ME1: variants seen among roughly 807,000 people sequenced by gnomAD.
The protein encoded by ME1 is NADP-dependent malic enzyme.
ME1 carries 74 observed loss-of-function variants against 66.4 expected under a neutral mutation model. That is an observed-to-expected ratio of 1.11 (90% CI 0.92 to 1.35). The LOEUF is 1.35. Ranked by LOEUF, ME1 falls within the 40% of genes most tolerant of loss-of-function variation. The probability of loss-of-function intolerance (pLI) is 0.00; values close to 1 mark genes in which losing one functional copy is unlikely to be tolerated. For synonymous variants in ME1, 251 were observed against 235.6 expected (o/e 1.07, Z -0.60); for missense variants, 750 against 694.1 (o/e 1.08, Z -0.90).
At chr6:83,252,144 A>C (rs899775967) in intron 7 of ME1, among the ~76,000 whole-genome samples, 3 of 152,214 alleles carry the variant, frequency 2.0e-5, no homozygotes, top group African/African-American at 4.8e-5. Context: ...AGCTATCAGC[A>C]ATTCACTGAA....
chr6:83,368,693 G>A (rs1362445995), intron 3 of ME1, among the ~76,000 whole-genome samples: 2 of 152,010 alleles, frequency 1.3e-5, no homozygotes, highest in Non-Finnish European at 1.5e-5. Context: ...AATTTACTGA[G>A]TAGACCCTAT....
chr6:83,426,217 G>A (rs1157560988), intron 1 of ME1, among the ~76,000 whole-genome samples: 1 of 152,086 alleles, frequency 6.6e-6, no homozygotes, highest in African/African-American at 2.4e-5. Flanking sequence ...TCCCCTACCT[G>A]TCCAAAAGTT....
intron 3 of ME1, among the ~76,000 whole-genome samples, chr6:83,363,252 CACA>C (rs1388416605): frequency 1.3e-5 from 2 of 152,128 alleles, no homozygotes; most frequent in East Asian, 3.8e-4. Context: ...CACCAGGAGA[CACA>C]ACAACGATTC....
At chr6:83,268,861 G>C (rs1455569571) in intron 6 of ME1, among the ~76,000 whole-genome samples, 3 of 151,786 alleles carry the variant, frequency 2.0e-5, no homozygotes, top group Non-Finnish European at 2.9e-5. Flanking sequence ...CAAAGTGCGG[G>C]GGTTATAGGC....
At chr6:83,240,257 T>G (rs1790487420) in intron 7 of ME1, among the ~76,000 whole-genome samples, 2 of 152,054 alleles carry the variant, frequency 1.3e-5, no homozygotes, top group Admixed American at 1.3e-4. Context: ...ATGATGGTAT[T>G]GGTGCTCATA....
chr6:83,262,840 A>G (rs1766923200), intron 6 of ME1, among the ~76,000 whole-genome samples: 1 of 152,172 alleles, frequency 6.6e-6, no homozygotes, highest in African/African-American at 2.4e-5. Context: ...ATGTAGTAAG[A>G]TACCTTCTAT....
intron 4 of ME1, among the ~76,000 whole-genome samples, chr6:83,349,005 A>AAAAAAC (rs1562487149): frequency 6.7e-5 from 10 of 148,406 alleles, no homozygotes; most frequent in African/African-American, 2.5e-4. Context: ...AAAAAAACAA[A>AAAAAAC]AAACAAAAAA....
At chr6:83,231,813 C>A (rs956077472) in intron 9 of ME1, among the ~76,000 whole-genome samples, 1 of 152,000 alleles carries the variant, frequency 6.6e-6, no homozygotes, top group Non-Finnish European at 1.5e-5. Context: ...CCTCAGAAAT[C>A]CCAAATTCTA....
chr6:83,348,842 C>T (rs1291237478), intron 4 of ME1, among the ~76,000 whole-genome samples: 1 of 151,358 alleles, frequency 6.6e-6, no homozygotes, highest in African/African-American at 2.4e-5. Context: ...ACAAAAATTA[C>T]CTGGGCGTGG....
At chr6:83,407,346 CA>C (rs1324936559) in intron 2 of ME1, among the ~76,000 whole-genome samples, 3 of 152,134 alleles carry the variant, frequency 2.0e-5, no homozygotes, top group Non-Finnish European at 4.4e-5. Context: ...TATCTTTGTG[CA>C]AATACAGAAA....
chr6:83,215,597 TC>T (rs1456988370), intron 13 of ME1, among the ~76,000 whole-genome samples: 2 of 152,104 alleles, frequency 1.3e-5, no homozygotes, highest in Admixed American at 6.6e-5. Flanking sequence ...GTTAGAATGG[TC>T]TATAATCCAA....
At chr6:83,412,925 T>A (rs1770079590) in intron 1 of ME1, among the ~76,000 whole-genome samples, 1 of 152,192 alleles carries the variant, frequency 6.6e-6, no homozygotes, top group Non-Finnish European at 1.5e-5. Flanking sequence ...ACATTGCATA[T>A]TTGTCAAAAC....
intron 1 of ME1, among the ~76,000 whole-genome samples, chr6:83,424,387 T>C (rs1440202933): frequency 1.3e-5 from 2 of 151,194 alleles, no homozygotes; most frequent in Non-Finnish European, 2.9e-5. Context: ...TAAATCAAAA[T>C]GGAATAATAA....
intron 3 of ME1, among the ~76,000 whole-genome samples, chr6:83,382,075 C>A (rs1228966957): frequency 6.6e-6 from 1 of 151,820 alleles, no homozygotes; most frequent in East Asian, 1.9e-4. Flanking sequence ...GCTTCCTTAT[C>A]CTTCAAGCGG....
chr6:83,394,426 T>C (rs1318297857), intron 3 of ME1, among the ~76,000 whole-genome samples: 1 of 152,174 alleles, frequency 6.6e-6, no homozygotes, highest in Non-Finnish European at 1.5e-5. Flanking sequence ...CCCCAAAATA[T>C]GTATATCTAA....
rs1244068731 is a variant in ME1 at position 83,398,380 on chromosome 6, A to G, written c.349T>C (p.Phe117Leu). ...AAGTTGACATACCTTGGCTTCCGAA[A>G]CACCAAACTATATTGTTGGCAAGCC... ...GLACQQYSLV[F>L]RKPRGLFITI... Residue 117 changes from phenylalanine to leucine, a missense_variant, in exon 3 of 14, where the codon TTT (phenylalanine) becomes CTT (leucine). By Grantham distance (22) the Phe-to-Leu change is conservative. Transcript: ENST00000369705. The G allele has an allele frequency of 1.3e-6, 2 of 1,574,700 alleles. No homozygotes were observed. Among genetic ancestry groups the G allele is most frequent in the Admixed American group, 2.0e-5 (1 of 51,242 alleles).
chr6:83,399,524 C>T (rs1309628602), intron 2 of ME1, among the ~76,000 whole-genome samples: 1 of 152,132 alleles, frequency 6.6e-6, no homozygotes, highest in African/African-American at 2.4e-5. Flanking sequence ...AAATGACATA[C>T]AGGAAATAAG....
At chr6:83,328,703 G>C (rs1342093460) in intron 5 of ME1, among the ~76,000 whole-genome samples, 1 of 152,102 alleles carries the variant, frequency 6.6e-6, no homozygotes, top group Non-Finnish European at 1.5e-5. Context: ...ACTTCTTATG[G>C]TCAGGAGCAA....
intron 6 of ME1, among the ~76,000 whole-genome samples, chr6:83,279,241 T>C (rs1165299966): frequency 6.6e-6 from 1 of 152,142 alleles, no homozygotes; most frequent in African/African-American, 2.4e-5. Context: ...AAGGCATATC[T>C]CCCTAAGTTC....
Sources: gnomAD v4.1 joint callset for allele counts (sites outside exome capture counted in the v4.1 genomes callset) on GRCh38, gnomAD v4.1.1 for gene constraint, MANE v1.5 for transcripts, NCBI Gene and HGNC (gene_info 2026-07-23, HGNC 2026-07-21) for gene names.